DNMT3A: variants seen among roughly 807,000 people sequenced by gnomAD.
DNMT3A encodes DNA methyltransferase 3 alpha.
Under a neutral mutation model 117.6 loss-of-function variants are expected in DNMT3A, and 267 were observed. The ratio of observed to expected loss-of-function variants is 2.27; its 90% CI spans 2.05 to 2.51. DNMT3A has a LOEUF of 2.51. DNMT3A is among the 30% of genes most tolerant of loss of function. The pLI, the probability that DNMT3A is intolerant of heterozygous loss-of-function variation, is 0.00. For missense variants in DNMT3A, 1,029 were observed against 1,260.2 expected, an observed-to-expected ratio of 0.82 and a Z score of 2.78; for synonymous variants, 432 against 474.8, an observed-to-expected ratio of 0.91 and a Z score of 1.17.
rs761728167 is a variant in DNMT3A at position 25,246,226 on chromosome 2, TGG to T, written c.1361_1362del (p.Ala454GlufsTer18). 6.2e-7 allele frequency: 1 copy of T among 1,614,180 alleles called. No homozygotes were observed. Among genetic ancestry groups the T allele is most frequent in the African/African-American group, 1.3e-5 (1 of 75,054 alleles). On this transcript the variant is annotated frameshift_variant, in exon 11 of 23. Coordinates refer to ENST00000321117, the MANE Select transcript of DNMT3A (RefSeq NM_022552.5). LOFTEE classifies it high-confidence loss of function. ...TCCGCTGTGCTCTTCCGGGGCTTTTTGGCTGGTGGAGGTGGTGCGTAGGCAGC... is the reference window on the plus strand; with the variant it reads ...TCCGCTGTGCTCTTCCGGGGCTTTTTCTGGTGGAGGTGGTGCGTAGGCAGC... ...EAAAYAPPPP[A>X]KKPRKSTAEK...
At chr2:25,239,057 G>C (rs1352945618) in intron 20 of DNMT3A, 73 bp downstream of exon 20, 1 of 1,396,082 alleles carries the variant, frequency 7.2e-7, no homozygotes, top group South Asian at 1.2e-5. Flanking sequence ...CCGGCTCAGG[G>C]GCTTCCCCAC....
rs1182212303 is a variant in DNMT3A at position 25,292,764 on chromosome 2, A to G, written c.177+7375T>C. 2.6e-5 allele frequency among the ~76,000 whole-genome samples: 4 copies of G among 152,054 alleles called. No homozygotes were observed. The East Asian group carries it at 7.7e-4, about 29-fold the overall frequency. On this transcript the variant is annotated intron_variant, in intron 3 of 22. Coordinates refer to ENST00000321117, the MANE Select transcript of DNMT3A (RefSeq NM_022552.5). The stretch of plus-strand genomic sequence containing the variant: ...TCGCTTATGTCTTTCTTGAGGTAGG[A>G]GAACCAAAATGTACAAAATTCTCTA...
Position 25,252,361 on chromosome 2 carries a change from T to C in DNMT3A, c.640-4109A>G, listed in dbSNP as rs1348847087. On this transcript the variant is annotated intron_variant, in intron 6 of 22. Coordinates refer to ENST00000321117, the MANE Select transcript of DNMT3A (RefSeq NM_022552.5). The surrounding 1 kb of genome is among the most constrained non-coding windows in gnomAD (Gnocchi z 5.5). ...GGCGGCGGGGGGGAGGGAGGGAACA[T>C]TTTCTTTGTCTAGGACTCCAGGTCA... 1.6e-6 allele frequency: 1 copy of C among 616,180 alleles called. No homozygotes were observed. The highest frequency in any genetic ancestry group is 2.1e-5 in the African/African-American group (1 of 48,746). The allele number at this position is 616,180 out of a possible 1,614,324, so 38.2% of individuals were successfully genotyped here.
chr2:25,264,629 A>AT (rs1486200006), intron 6 of DNMT3A, among the ~76,000 whole-genome samples: 6 of 151,340 alleles, frequency 4.0e-5, no homozygotes, highest in South Asian at 2.1e-4. Flanking sequence ...CGCCCGGCTA[A>AT]TTTTTTGTAT....
In DNMT3A at chr2:25,233,239, G is replaced by A. The variant is rs1204336293; in HGVS notation, c.*1040C>T. On this transcript the variant is annotated 3_prime_UTR_variant, in exon 23 of 23. Coordinates refer to ENST00000321117, the MANE Select transcript of DNMT3A (RefSeq NM_022552.5). The stretch of plus-strand genomic sequence containing the variant: ...ACCTCATCTAGCCCCCTTTTTGGCA[G>A]GGAGAACCTGGCTCCCAAGTTCTCC... The A allele has an allele frequency of 4.3e-6, 1 of 233,576 alleles. No individual in the cohort carries two copies. The highest frequency in any genetic ancestry group is 2.2e-5 in the African/African-American group (1 of 45,300). The allele number at this position is 233,576 out of a possible 1,614,324, so 14.5% of individuals were successfully genotyped here.
In DNMT3A at chr2:25,235,942, A is replaced by AG. The variant is rs1673313580; in HGVS notation, c.2479-118dup. On this transcript the variant is annotated intron_variant, in intron 21 of 22. Transcript: ENST00000321117. The stretch of plus-strand genomic sequence containing the variant: ...AACCCTGACAGGGCCTGGTCCACCC[A>AG]GGGGGCTGGGTATGGCTCTGAGTGA... The AG allele has an allele frequency of 2.5e-5, 24 of 947,826 alleles. No individual in the cohort carries two copies. In the South Asian group the frequency reaches 2.6e-4, roughly 10 times the overall value. The allele number at this position is 947,826 out of a possible 1,614,324, so 58.7% of individuals were successfully genotyped here. A position where few individuals can be genotyped will look rare whatever the true frequency, so the allele number is the denominator to read the frequency against.
rs1295199540 is a variant in DNMT3A at position 25,282,916 on chromosome 2, C to T, written c.178-205G>A. Reference sequence around the variant, plus strand: ...TCCTGGGCTTGACCCCTTGAAATCACGAGTCTGTGGACTCCAGCTTCAGAA... The same window carrying T: ...TCCTGGGCTTGACCCCTTGAAATCATGAGTCTGTGGACTCCAGCTTCAGAA... On this transcript the variant is annotated intron_variant, in intron 3 of 22. Coordinates refer to ENST00000321117, the MANE Select transcript of DNMT3A (RefSeq NM_022552.5). The surrounding 1 kb of genome is among the most constrained non-coding windows in gnomAD (Gnocchi z 5.2). Among the ~76,000 whole-genome samples the T allele has an allele frequency of 1.3e-5, 2 of 152,216 alleles. No homozygotes were observed. Among genetic ancestry groups the T allele is most frequent in the Admixed American group, 1.3e-4 (2 of 15,286 alleles).
intron 4 of DNMT3A, among the ~76,000 whole-genome samples, chr2:25,277,232 G>C (rs2031497652): frequency 6.6e-6 from 1 of 152,170 alleles, no homozygotes; most frequent in Non-Finnish European, 1.5e-5. Context: ...CATCTTGTCT[G>C]GCTCTGCCTC....
At chr2:25,329,586 C>A (rs145719992) in intron 1 of DNMT3A, among the ~76,000 whole-genome samples, 123 of 151,944 alleles carry the variant, frequency 8.1e-4, no homozygotes, top group African/African-American at 2.9e-3. Context: ...CAGCCCAGGC[C>A]CCGTGCCACT....
rs181327685 is a variant in DNMT3A, at chr2:25,281,335, A to C, written c.448+1106T>G. Reference sequence around the variant, plus strand: ...AAATGAGGATAATCATATCTCTTGAATAAGATTGTTAGAGGAGTAAATAAA... The same window carrying C: ...AAATGAGGATAATCATATCTCTTGACTAAGATTGTTAGAGGAGTAAATAAA... On this transcript the variant is annotated intron_variant, in intron 4 of 22. Transcript: ENST00000321117. The surrounding 1 kb of genome is among the most constrained non-coding windows in gnomAD (Gnocchi z 4.8). 4,141 of 688,344 alleles carry C rather than the reference A, an allele frequency of 6.0e-3. 19 individuals carry two copies. Among genetic ancestry groups the C allele is most frequent in the Non-Finnish European group, 7.0e-3 (3,850 of 549,812 alleles). 42.6% of individuals were successfully genotyped at this position (688,344 alleles called of 1,614,324 possible).
chr2:25,240,672 GAGA>G lies in DNMT3A; in HGVS notation c.2138_2140del (p.Leu713_Ser714delinsPro). 1 of 1,614,214 alleles carries G rather than the reference GAGA, an allele frequency of 6.2e-7. No homozygotes were observed. The highest frequency in any genetic ancestry group is 8.5e-7 in the Non-Finnish European group (1 of 1,180,016). On this transcript the variant is annotated inframe_deletion, in exon 18 of 23. Transcript: ENST00000321117. ...GCCCTTGCGAGCAGGGTTGACGATGGAGAGGTCATTGCAGGGACTGCCCCCAAT... is the reference window on the plus strand; with the variant it reads ...GCCCTTGCGAGCAGGGTTGACGATGGGGTCATTGCAGGGACTGCCCCCAAT...
At chr2:25,326,736 T>G (rs2034802572) in intron 1 of DNMT3A, among the ~76,000 whole-genome samples, 2 of 152,220 alleles carry the variant, frequency 1.3e-5, no homozygotes, top group South Asian at 4.1e-4. Context: ...ACCCAGCTCC[T>G]GTGCTGCTGC....
chr2:25,299,201 G>A (rs1005429313), intron 3 of DNMT3A, among the ~76,000 whole-genome samples: 3 of 152,228 alleles, frequency 2.0e-5, no homozygotes, highest in African/African-American at 7.2e-5. Context: ...ACATAAACCA[G>A]TTAGGCTCCT....
chr2:25,326,108 A>ATGTGTGTGTGTGTGTGTGTGTGTGTG, intron 1 of DNMT3A, among the ~76,000 whole-genome samples: 1 of 142,256 alleles, frequency 7.0e-6, no homozygotes, highest in East Asian at 2.1e-4. Context: ...CTTGATATAT[A>ATGTGTGTGTGTGTGTGTGTGTGTGTG]TGTGTGTGTG....
At chr2:25,249,610 A>C (rs762183006) in intron 6 of DNMT3A, 1 of 1,611,832 alleles carries the variant, frequency 6.2e-7, no homozygotes. Flanking sequence ...CAAATTAATA[A>C]GCCAAACCCC....
At chr2:25,268,031 A>G (rs2030519594) in intron 6 of DNMT3A, among the ~76,000 whole-genome samples, 1 of 152,216 alleles carries the variant, frequency 6.6e-6, no homozygotes. Context: ...CAAAGGTCGC[A>G]GTAAACAGCA....
rs878910908 is a variant in DNMT3A, at chr2:25,240,833, C to G, written c.2083-103G>C. ...AACTTGGCAAAGAAGTCCTTTGACA[C>G]GAAAGAGAGGAGACCCAGCTGCTCT... On this transcript the variant is annotated intron_variant, in intron 17 of 22. Coordinates refer to ENST00000321117, the MANE Select transcript of DNMT3A (RefSeq NM_022552.5). The G allele has an allele frequency of 1.4e-5, 16 of 1,181,078 alleles. No homozygotes were observed. In the South Asian group the frequency reaches 2.0e-4, roughly 15 times the overall value. The allele number at this position is 1,181,078 out of a possible 1,614,324, so 73.2% of individuals were successfully genotyped here. A position where few individuals can be genotyped will look rare whatever the true frequency, so the allele number is the denominator to read the frequency against.
chr2:25,244,179 GAAGA>G lies in DNMT3A; in HGVS notation c.1823_1826del (p.Phe608SerfsTer42). On this transcript the variant is annotated frameshift_variant, in exon 15 of 23. Coordinates refer to ENST00000321117, the MANE Select transcript of DNMT3A (RefSeq NM_022552.5). LOFTEE classifies it high-confidence loss of function. ...CAAATTCCTGGTCGTGGTTATTAGC[GAAGA>G]ACATCTGGAGCCGGGAGGGCCAGTC... 6.2e-7 allele frequency: 1 copy of G among 1,613,928 alleles called. No individual in the cohort carries two copies. Among genetic ancestry groups the G allele is most frequent in the South Asian group, 1.1e-5 (1 of 91,078 alleles).
At chr2:25,302,537 G>A (rs1223195397) in intron 2 of DNMT3A, among the ~76,000 whole-genome samples, 1 of 152,242 alleles carries the variant, frequency 6.6e-6, no homozygotes, top group East Asian at 1.9e-4. Flanking sequence ...TTTCAGGAAA[G>A]CACAGCAGAC....
Sources: allele counts gnomAD v4.1 joint callset (sites outside exome capture counted in the v4.1 genomes callset), GRCh38; gene constraint gnomAD v4.1.1; non-coding constraint Gnocchi (gnomAD v3.1); transcripts MANE v1.5; gene names NCBI Gene and HGNC (gene_info 2026-07-23, HGNC 2026-07-21).